PISD: variants seen among roughly 807,000 people sequenced by gnomAD.
PISD encodes the protein phosphatidylserine decarboxylase proenzyme, mitochondrial.
In PISD, 31 loss-of-function variants were observed where a neutral mutation model predicts 43.5. The observed-to-expected ratio is 0.71, with a 90% CI of 0.54 to 0.96. The LOEUF (loss-of-function observed/expected upper bound fraction) is 0.96. Ranked by LOEUF, PISD falls within the 40% of genes least tolerant of loss-of-function variation. The pLI, the probability that PISD is intolerant of heterozygous loss-of-function variation, is 0.00. For synonymous variants in PISD, 259 were observed against 228.7 expected (o/e 1.13, Z -1.20); for missense variants, 523 against 548.4 (o/e 0.95, Z 0.46).
At chr22:31,626,195 T>A in intron 3 of PISD, 1 of 364,904 alleles carries the variant, frequency 2.7e-6, no homozygotes, top group Non-Finnish European at 4.3e-6. Context: ...TCAGCTGGCC[T>A]GGGGAGGCAG....
intron 3 of PISD, among the ~76,000 whole-genome samples, chr22:31,633,315 T>G (rs5998061): frequency 4.3e-4 from 66 of 152,318 alleles, no homozygotes; most frequent in African/African-American, 1.5e-3. Flanking sequence ...CTGAGAGATC[T>G]CTGGGATTCT....
intron 1 of PISD, among the ~76,000 whole-genome samples, chr22:31,659,402 T>C (rs2074260462): frequency 6.6e-6 from 1 of 152,146 alleles, no homozygotes; most frequent in Admixed American, 6.6e-5. Flanking sequence ...CTATGGTCCG[T>C]TGACAGTGTG....
rs137875167 is a variant in PISD, at chr22:31,619,756, G to A, written c.1086C>T (p.Gly362=). Reference sequence around the variant, plus strand: ...GGTGCTCGCCCTTACGCATGGGGACGCCCTCTCTATTGGTGTGCGTCACGA... The same window carrying A: ...GGTGCTCGCCCTTACGCATGGGGACACCCTCTCTATTGGTGTGCGTCACGA... The part of the protein sequence containing the change: ...FSFVTHTNRE[G]VPMRKGEHLG... The change falls in exon 8 of 8, where the codon GGC becomes GGT. Residue 362 remains glycine, a synonymous_variant. Transcript: ENST00000439502. 564 of 1,614,170 alleles carry A rather than the reference G, an allele frequency of 3.5e-4. 3 individuals carry two copies. The African/African-American group carries it at 5.6e-3, about 16-fold the overall frequency.
At chr22:31,633,757 C>T (rs1008872425) in intron 3 of PISD, among the ~76,000 whole-genome samples, 1 of 152,080 alleles carries the variant, frequency 6.6e-6, no homozygotes, top group Non-Finnish European at 1.5e-5. Flanking sequence ...AACCCATAAA[C>T]CAGCCCACAA....
Position 31,621,474 on chromosome 22 carries a change from T to C in PISD, c.559-2A>G, listed in dbSNP as rs1464457283. On this transcript the variant is annotated splice_acceptor_variant, in intron 4 of 7. Coordinates refer to ENST00000439502, the MANE Select transcript of PISD (RefSeq NM_001326411.2). LOFTEE classifies it high-confidence loss of function. ...GATCCTTCCATCCGATGGGCTAATC[T>C]GGAAGGGCAGGAGAGGCTTGCTGCC... 5.0e-6 allele frequency: 8 copies of C among 1,614,120 alleles called. No homozygotes were observed. The highest frequency in any genetic ancestry group is 6.8e-6 in the Non-Finnish European group (8 of 1,180,022).
chr22:31,621,185 C>T (rs749149597), intron 5 of PISD, 43 bp from the exon 6 acceptor site: 2 of 1,613,650 alleles, frequency 1.2e-6, no homozygotes, highest in South Asian at 2.2e-5. Context: ...ACACAGTGAG[C>T]ACCCAGCACG....
At chr22:31,635,630 G>A (rs182305208) in intron 3 of PISD, among the ~76,000 whole-genome samples, 52 of 152,192 alleles carry the variant, frequency 3.4e-4, no homozygotes, top group Admixed American at 6.5e-4. Flanking sequence ...CGGTCCCTCC[G>A]CTTGTCCACA....
chr22:31,636,764 G>A (rs1328538508), intron 3 of PISD, among the ~76,000 whole-genome samples: 4 of 150,998 alleles, frequency 2.6e-5, no homozygotes, highest in South Asian at 2.1e-4. Flanking sequence ...GGATGGTCTC[G>A]ATCTCCTGAC....
intron 3 of PISD, among the ~76,000 whole-genome samples, chr22:31,622,529 T>C (rs1273368635): frequency 1.3e-5 from 2 of 152,172 alleles, no homozygotes; most frequent in African/African-American, 2.4e-5. Flanking sequence ...ATGCAGCCAG[T>C]CTGAGAAGCC....
chr22:31,620,896 A>G lies in PISD; in HGVS notation c.844+100T>C, dbSNP rs539996247. Reference sequence around the variant, plus strand: ...ATAAAGCAGTCAACTCCTGGCCTCAATGACCCTGATCTGGAGCCTGGTCCC... The same window carrying G: ...ATAAAGCAGTCAACTCCTGGCCTCAGTGACCCTGATCTGGAGCCTGGTCCC... On this transcript the variant is annotated intron_variant, in intron 6 of 7. Transcript: ENST00000439502. 25 of 1,439,964 alleles carry G rather than the reference A, an allele frequency of 1.7e-5. No homozygotes were observed. The South Asian group carries it at 2.8e-4, about 16-fold the overall frequency. 89.2% of individuals were successfully genotyped at this position (1,439,964 alleles called of 1,614,324 possible).
At chr22:31,640,880 G>GTTTTTTTTTTTTTT (rs1214973570) in intron 3 of PISD, among the ~76,000 whole-genome samples, 2,505 of 24,570 alleles carry the variant, frequency 0.1, 898 homozygotes, top group Non-Finnish European at 0.11. Context: ...CACACCCGGT[G>GTTTTTTTTTTTTTT]TTTTTTTTTT....
chr22:31,626,359 A>G (rs1042780508), intron 3 of PISD: 8 of 154,012 alleles, frequency 5.2e-5, no homozygotes, highest in African/African-American at 1.9e-4. Flanking sequence ...GCACCGCGTC[A>G]GCCGGTCTGC....
intron 2 of PISD, 107 bp from the exon 3 acceptor site, chr22:31,648,383 A>G: frequency 1.1e-6 from 1 of 891,320 alleles, no homozygotes; most frequent in Non-Finnish European, 1.7e-6. Flanking sequence ...GCACCTCAGA[A>G]GCCCTCAGTA....
chr22:31,657,496 C>G (rs1403462601), intron 1 of PISD, among the ~76,000 whole-genome samples: 1 of 151,680 alleles, frequency 6.6e-6, no homozygotes, highest in Non-Finnish European at 1.5e-5. Flanking sequence ...CCCTGTTGTG[C>G]TAGCAAACAC....
Position 31,619,354 on chromosome 22 carries a change from T to C in PISD, c.*258A>G. On this transcript the variant is annotated 3_prime_UTR_variant, in exon 8 of 8. Coordinates refer to ENST00000439502, the MANE Select transcript of PISD (RefSeq NM_001326411.2). ...GTGTTTAAAAAGATCCAAATGTGAC[T>C]GAGATCATTCCAGCCTGCACTTTTT... is the stretch of plus-strand genomic sequence containing the variant. 1 of 549,636 alleles carries C rather than the reference T, an allele frequency of 1.8e-6. No individual in the cohort carries two copies. Among genetic ancestry groups the C allele is most frequent in the South Asian group, 1.7e-5 (1 of 59,206 alleles). 34.0% of individuals were successfully genotyped at this position (549,636 alleles called of 1,614,324 possible). A position where few individuals can be genotyped will look rare whatever the true frequency, so the allele number is the denominator to read the frequency against.
intron 3 of PISD, among the ~76,000 whole-genome samples, chr22:31,625,301 C>T (rs1465563691): frequency 1.3e-5 from 2 of 152,226 alleles, no homozygotes; most frequent in African/African-American, 2.4e-5. Context: ...AGGAAGGTGG[C>T]AGGGGCCAAG....
chr22:31,630,719 C>G lies in PISD; in HGVS notation c.322-8834G>C, dbSNP rs919283004. 3.0e-6 allele frequency: 3 copies of G among 985,352 alleles called. No homozygotes were observed. The highest frequency in any genetic ancestry group is 3.6e-6 in the Non-Finnish European group (3 of 829,844). 61.0% of individuals were successfully genotyped at this position (985,352 alleles called of 1,614,324 possible). A position where few individuals can be genotyped will look rare whatever the true frequency, so the allele number is the denominator to read the frequency against. On this transcript the variant is annotated intron_variant, in intron 3 of 7. Transcript: ENST00000439502. This position sits in a 1 kb window ranked among gnomAD's most constrained non-coding sequence, Gnocchi z 4.4. ...AAGGGCACCCCCACCCGGCACTGGC[C>G]CTCTGAGCGGGCAGGGTGGGGCGCC...
Position 31,620,876 on chromosome 22 carries a change from G to A in PISD, c.844+120C>T, listed in dbSNP as rs947354370. 5.1e-6 allele frequency: 7 copies of A among 1,383,350 alleles called. No individual in the cohort carries two copies. In the Admixed American group the frequency reaches 1.7e-4, roughly 34 times the overall value. The allele number at this position is 1,383,350 out of a possible 1,614,324, so 85.7% of individuals were successfully genotyped here. A position where few individuals can be genotyped will look rare whatever the true frequency, so the allele number is the denominator to read the frequency against. ...CCTGCCCACAACCAGCCTGCATAAA[G>A]CAGTCAACTCCTGGCCTCAATGACC... On this transcript the variant is annotated intron_variant, in intron 6 of 7. Coordinates refer to ENST00000439502, the MANE Select transcript of PISD (RefSeq NM_001326411.2).
chr22:31,625,938 G>A, intron 3 of PISD: 1 of 1,504,918 alleles, frequency 6.6e-7, no homozygotes, highest in Non-Finnish European at 8.9e-7. Flanking sequence ...CTCTGCCTCT[G>A]CGAGGCTGGT....
Sources: allele counts gnomAD v4.1 joint callset (sites outside exome capture counted in the v4.1 genomes callset), GRCh38; gene constraint gnomAD v4.1.1; non-coding constraint Gnocchi (gnomAD v3.1); transcripts MANE v1.5; gene names NCBI Gene and HGNC (gene_info 2026-07-23, HGNC 2026-07-21).